Variants in RAB28 observed in about 807,000 individuals in gnomAD.
RAB28 encodes the protein ras-related protein Rab-28.
A neutral mutation model predicts 31.7 loss-of-function variants in RAB28; 24 were observed. The ratio of observed to expected loss-of-function variants is 0.76; its 90% CI spans 0.55 to 1.06. The LOEUF is 1.06. RAB28 is among the 50% of genes least tolerant of loss of function. The pLI, the probability that RAB28 is intolerant of heterozygous loss-of-function variation, is 0.00. For synonymous variants in RAB28, 100 were observed against 90.4 expected (o/e 1.11, Z -0.60); for missense variants, 254 against 258.5 (o/e 0.98, Z 0.12).
intron 4 of RAB28, among the ~76,000 whole-genome samples, chr4:13,443,505 A>T (rs1714527909): frequency 6.6e-6 from 1 of 152,198 alleles, no homozygotes; most frequent in African/African-American, 2.4e-5. Flanking sequence ...TGTGCTACTA[A>T]ATCATAAGCA....
At chr4:13,473,985 T>G in intron 3 of RAB28, 1 of 381,026 alleles carries the variant, frequency 2.6e-6, no homozygotes, top group Non-Finnish European at 5.0e-6. Context: ...TTCATTCAGT[T>G]TATTTGAAAG....
intron 4 of RAB28, among the ~76,000 whole-genome samples, chr4:13,423,496 A>T (rs1030627236): frequency 1.3e-5 from 2 of 152,254 alleles, no homozygotes; most frequent in Admixed American, 1.3e-4. Context: ...GGGGGAAAAA[A>T]AAAGGTGAGA....
At chr4:13,480,888 A>G (rs186942937) in intron 1 of RAB28, among the ~76,000 whole-genome samples, 1 of 152,076 alleles carries the variant, frequency 6.6e-6, no homozygotes, top group Non-Finnish European at 1.5e-5. Context: ...CATCTACACT[A>G]TATTATTCTA....
At chr4:13,433,097 CA>C (rs1398139263) in intron 4 of RAB28, among the ~76,000 whole-genome samples, 1 of 135,224 alleles carries the variant, frequency 7.4e-6, no homozygotes, top group Non-Finnish European at 1.6e-5. Flanking sequence ...CCCATAGGCT[CA>C]AAGTAAAGGT....
At chr4:13,471,230 A>G (rs1716103066) in intron 3 of RAB28, among the ~76,000 whole-genome samples, 2 of 152,198 alleles carry the variant, frequency 1.3e-5, no homozygotes, top group Admixed American at 1.3e-4. Flanking sequence ...TCCAGAAGCA[A>G]TACAGATCTA....
chr4:13,463,526 C>T (rs1333171033), intron 3 of RAB28, among the ~76,000 whole-genome samples: 1 of 152,114 alleles, frequency 6.6e-6, no homozygotes, highest in South Asian at 2.1e-4. Context: ...ACAACAGAGA[C>T]AACATGGCCT....
At chr4:13,380,663 C>A (rs1004666389) in intron 5 of RAB28, among the ~76,000 whole-genome samples, 7 of 151,988 alleles carry the variant, frequency 4.6e-5, no homozygotes, top group Non-Finnish European at 8.8e-5. Flanking sequence ...TTATGGCAAT[C>A]ATACAATGCT....
At chr4:13,483,387 A>G (rs1164123759) in intron 1 of RAB28, among the ~76,000 whole-genome samples, 2 of 152,214 alleles carry the variant, frequency 1.3e-5, no homozygotes, top group East Asian at 3.8e-4. Flanking sequence ...ACACTTGTTG[A>G]CTGACTGCTT....
intron 4 of RAB28, among the ~76,000 whole-genome samples, chr4:13,415,873 T>C (rs567552393): frequency 6.6e-6 from 1 of 152,314 alleles, no homozygotes; most frequent in Non-Finnish European, 1.5e-5. Flanking sequence ...GGAGAACCTT[T>C]ATGTCTAGCT....
At position 13,422,582 on chromosome 4, in the gene RAB28, G is replaced by A. The variant is rs111549390; in HGVS notation, c.391+38117C>T. ...ATACTATGCAGCCATAAAAAAGGAT[G>A]AGTTCATGTCCTTTGCAGGGACATG... On this transcript the variant is annotated intron_variant, in intron 4 of 6. Transcript: ENST00000330852. Among the ~76,000 whole-genome samples the A allele has an allele frequency of 1.1e-3, 172 of 152,276 alleles. 2 individuals carry two copies. Among genetic ancestry groups the A allele is most frequent in the Middle Eastern group, 3.4e-3 (1 of 294 alleles).
At chr4:13,415,088 T>C (rs1450165917) in intron 4 of RAB28, among the ~76,000 whole-genome samples, 1 of 152,202 alleles carries the variant, frequency 6.6e-6, no homozygotes, top group Non-Finnish European at 1.5e-5. Context: ...ATGTAAGCTA[T>C]AGGTAAGGAA....
rs147079647 is a variant in RAB28 at position 13,384,194 on chromosome 4, C to T, written c.392-2600G>A. 4.6e-3 allele frequency among the ~76,000 whole-genome samples: 708 copies of T among 152,280 alleles called. 4 individuals are homozygous for T. Among genetic ancestry groups the T allele is most frequent in the African/African-American group, 0.016 (667 of 41,574 alleles). On this transcript the variant is annotated intron_variant, in intron 4 of 6. Transcript: ENST00000330852. Reference sequence around the variant, plus strand: ...GCCACCCCACCTGAGTGATCATGCACAGAGGGCAGGCACAGACCTGCACCC... The same window carrying T: ...GCCACCCCACCTGAGTGATCATGCATAGAGGGCAGGCACAGACCTGCACCC...
At chr4:13,387,525 A>G (rs915027680) in intron 4 of RAB28, among the ~76,000 whole-genome samples, 1 of 152,062 alleles carries the variant, frequency 6.6e-6, no homozygotes, top group African/African-American at 2.4e-5. Context: ...CCTCATTGTC[A>G]ACACATTTTG....
At chr4:13,388,432 G>C (rs1392345769) in intron 4 of RAB28, among the ~76,000 whole-genome samples, 1 of 152,000 alleles carries the variant, frequency 6.6e-6, no homozygotes, top group African/African-American at 2.4e-5. Context: ...AGAAAACACA[G>C]GGAAAAAGCT....
intron 4 of RAB28, among the ~76,000 whole-genome samples, chr4:13,449,484 C>A (rs930536395): frequency 2.6e-5 from 4 of 151,884 alleles, no homozygotes; most frequent in Non-Finnish European, 4.4e-5. Flanking sequence ...AATACATTTT[C>A]ACTGAGTTCA....
chr4:13,415,462 G>C (rs1712708671), intron 4 of RAB28, among the ~76,000 whole-genome samples: 1 of 152,190 alleles, frequency 6.6e-6, no homozygotes, highest in Non-Finnish European at 1.5e-5. Context: ...TTCAGGGTGA[G>C]TGTGGGCTCA....
intron 4 of RAB28, among the ~76,000 whole-genome samples, chr4:13,443,504 A>G (rs1036179813): frequency 6.6e-6 from 1 of 152,210 alleles, no homozygotes; most frequent in African/African-American, 2.4e-5. Context: ...ATGTGCTACT[A>G]AATCATAAGC....
Position 13,484,183 on chromosome 4 carries a change from T to TG in RAB28, c.-34dup, listed in dbSNP as rs567556941. The TG allele has an allele frequency of 4.6e-4, 616 of 1,339,988 alleles. No homozygotes were observed. The highest frequency in any genetic ancestry group is 2.0e-3 in the South Asian group (137 of 69,106). The allele number at this position is 1,339,988 out of a possible 1,614,324, so 83.0% of individuals were successfully genotyped here. On this transcript the variant is annotated 5_prime_UTR_variant, in exon 1 of 7. Coordinates refer to ENST00000330852, the MANE Select transcript of RAB28 (RefSeq NM_001017979.3). ...CGGGAACCAGGCCCGCCCCTCGAGGTGGGGGGGGAAGGGAAGGATGAAGGC... is the reference window on the plus strand; with the variant it reads ...CGGGAACCAGGCCCGCCCCTCGAGGTGGGGGGGGGAAGGGAAGGATGAAGGC...
chr4:13,466,563 T>A (rs890734689), intron 3 of RAB28, among the ~76,000 whole-genome samples: 1 of 151,870 alleles, frequency 6.6e-6, no homozygotes, highest in Non-Finnish European at 1.5e-5. Flanking sequence ...AGTGAGAATA[T>A]AGAGAAAAGG....
Sources: gnomAD v4.1 joint callset for allele counts (sites outside exome capture counted in the v4.1 genomes callset) on GRCh38, gnomAD v4.1.1 for gene constraint, MANE v1.5 for transcripts, NCBI Gene and HGNC (gene_info 2026-07-23, HGNC 2026-07-21) for gene names.